The following PLCG2 variants were observed in gnomAD, a reference collection of about 807,000 sequenced individuals.
The protein encoded by PLCG2 is 1-phosphatidylinositol 4,5-bisphosphate phosphodiesterase gamma-2.
A neutral mutation model predicts 175.6 loss-of-function variants in PLCG2; 69 were observed. The ratio of observed to expected loss-of-function variants is 0.39; its 90% CI spans 0.32 to 0.48. The LOEUF (loss-of-function observed/expected upper bound fraction) is 0.48, where lower values mean the gene tolerates loss of function less well. PLCG2 is among the 20% of genes least tolerant of loss of function. The pLI is 0.91. For missense variants in PLCG2, 1,798 were observed against 1,650.9 expected (o/e 1.09, Z -1.54); for synonymous variants, 827 against 624.0 (o/e 1.33, Z -4.85).
chr16:81,801,943 A>G (rs1911739059), intron 2 of PLCG2, among the ~76,000 whole-genome samples: 1 of 151,730 alleles, frequency 6.6e-6, no homozygotes, highest in Non-Finnish European at 1.5e-5. Context: ...AGCCTCCCAA[A>G]GTGTTGGGAT....
intron 2 of PLCG2, among the ~76,000 whole-genome samples, chr16:81,796,235 G>T (rs1225533288): frequency 3.9e-5 from 6 of 152,242 alleles, no homozygotes; most frequent in Non-Finnish European, 7.3e-5. Flanking sequence ...TTCTCTCACA[G>T]ATGTGGCCCT....
intron 31 of PLCG2, among the ~76,000 whole-genome samples, chr16:81,955,348 G>T (rs1462004292): frequency 6.6e-6 from 1 of 152,172 alleles, no homozygotes; most frequent in Admixed American, 6.5e-5. Context: ...TTGTAGCACA[G>T]GAGTCTTTCA....
At chr16:81,797,907 T>C (rs1260667280) in intron 2 of PLCG2, among the ~76,000 whole-genome samples, 1 of 151,956 alleles carries the variant, frequency 6.6e-6, no homozygotes, top group Non-Finnish European at 1.5e-5. Flanking sequence ...TTCAGTTCAC[T>C]GCAACCTCTG....
intron 2 of PLCG2, among the ~76,000 whole-genome samples, chr16:81,791,253 G>A (rs1911218744): frequency 6.6e-6 from 1 of 152,116 alleles, no homozygotes; most frequent in Non-Finnish European, 1.5e-5. Context: ...TGTCCATTTG[G>A]ATGTGGGGGA....
chr16:81,954,697 C>G (rs971534802), intron 31 of PLCG2, among the ~76,000 whole-genome samples: 2 of 152,190 alleles, frequency 1.3e-5, no homozygotes, highest in African/African-American at 4.8e-5. Flanking sequence ...GCATAGTATT[C>G]CATGGTGTAT....
At chr16:81,882,994 A>G (rs1347868899) in intron 8 of PLCG2, among the ~76,000 whole-genome samples, 1 of 151,532 alleles carries the variant, frequency 6.6e-6, no homozygotes, top group Non-Finnish European at 1.5e-5. Flanking sequence ...GGCTCCTCAG[A>G]CTCTGGGGTG....
chr16:81,813,240 G>C (rs896113643), intron 2 of PLCG2, among the ~76,000 whole-genome samples: 16 of 152,150 alleles, frequency 1.1e-4, no homozygotes, highest in African/African-American at 3.9e-4. Context: ...GAATAGCATT[G>C]AATCTATAAA....
At position 81,868,414 on chromosome 16, in the gene PLCG2, C is replaced by T. The variant is rs549950014; in HGVS notation, c.480-800C>T. On this transcript the variant is annotated intron_variant, in intron 5 of 32. Coordinates refer to ENST00000564138, the MANE Select transcript of PLCG2 (RefSeq NM_002661.5). ...GGGGTGCAGGGGGTCCCCACTTACTCTGCATCCCTCTTGTCTCTTCACAGT... is the reference window on the plus strand; with the variant it reads ...GGGGTGCAGGGGGTCCCCACTTACTTTGCATCCCTCTTGTCTCTTCACAGT... Among the ~76,000 whole-genome samples, 7 of 152,270 alleles carry T rather than the reference C, an allele frequency of 4.6e-5. No individual in the cohort carries two copies. In the South Asian group the frequency reaches 1.5e-3, roughly 32 times the overall value.
intron 17 of PLCG2, among the ~76,000 whole-genome samples, chr16:81,910,236 A>G (rs1490535445): frequency 2.0e-5 from 3 of 152,128 alleles, no homozygotes; most frequent in African/African-American, 2.4e-5. Context: ...GATTACAGGC[A>G]TGCACCACCA....
At chr16:81,828,362 C>T (rs1905129296) in intron 2 of PLCG2, among the ~76,000 whole-genome samples, 1 of 149,888 alleles carries the variant, frequency 6.7e-6, no homozygotes, top group South Asian at 2.1e-4. Context: ...TCTCCTGCCT[C>T]AGCCTCCTGG....
chr16:81,876,265 C>T (rs1321754252), intron 7 of PLCG2, among the ~76,000 whole-genome samples: 1 of 152,084 alleles, frequency 6.6e-6, no homozygotes. Context: ...TCAAGTGATC[C>T]ACCCGCCTTG....
At chr16:81,855,192 C>CAAAA (rs35058756) in intron 3 of PLCG2, among the ~76,000 whole-genome samples, 2 of 102,956 alleles carry the variant, frequency 1.9e-5, no homozygotes, top group African/African-American at 7.8e-5. Flanking sequence ...GACTCTGTCT[C>CAAAA]AAAAAAAAAA....
chr16:81,853,642 G>C (rs1370376652), intron 2 of PLCG2, among the ~76,000 whole-genome samples: 2 of 152,214 alleles, frequency 1.3e-5, no homozygotes, highest in Non-Finnish European at 2.9e-5. Flanking sequence ...GTGGAGCTCA[G>C]ATAATAGTGC....
chr16:81,744,247 C>T (rs1909659033), intron 1 of PLCG2, among the ~76,000 whole-genome samples: 1 of 149,246 alleles, frequency 6.7e-6, no homozygotes, highest in Non-Finnish European at 1.5e-5. Flanking sequence ...GGCTCACTGT[C>T]AGCTCCGGCT....
At chr16:81,758,806 T>C (rs1199046572) in intron 2 of PLCG2, among the ~76,000 whole-genome samples, 1 of 151,952 alleles carries the variant, frequency 6.6e-6, no homozygotes, top group Non-Finnish European at 1.5e-5. Flanking sequence ...GCCTCCCGAG[T>C]AGCTGGGATT....
chr16:81,759,089 G>C (rs1359621641), intron 2 of PLCG2, among the ~76,000 whole-genome samples: 3 of 152,156 alleles, frequency 2.0e-5, no homozygotes, highest in Non-Finnish European at 4.4e-5. Flanking sequence ...TCAGTCATTT[G>C]TATATTTTCT....
At chr16:81,778,039 A>AAAACAAAACAAAC (rs1910505227), upstream of PLCG2, among the ~76,000 whole-genome samples, 40 of 80,426 alleles carry the variant, frequency 5.0e-4, no homozygotes, top group African/African-American at 1.1e-3. Context: ...AAACAAAAAA[A>AAAACAAAACAAAC]AAACAAAAAA....
upstream of PLCG2, among the ~76,000 whole-genome samples, chr16:81,777,715 A>G (rs1910458971): frequency 6.6e-6 from 1 of 152,086 alleles, no homozygotes; most frequent in Non-Finnish European, 1.5e-5. Flanking sequence ...ATATTCCTCA[A>G]TTAAAAAACG....
chr16:81,833,757 G>A (rs1364645684), intron 2 of PLCG2, among the ~76,000 whole-genome samples: 2 of 151,976 alleles, frequency 1.3e-5, no homozygotes, highest in Non-Finnish European at 2.9e-5. Flanking sequence ...GTGTTGCCTA[G>A]GCTGGTCTCG....
Sources: gnomAD v4.1 joint callset for allele counts (sites outside exome capture counted in the v4.1 genomes callset) on GRCh38, gnomAD v4.1.1 for gene constraint, MANE v1.5 for transcripts, NCBI Gene and HGNC (gene_info 2026-07-23, HGNC 2026-07-21) for gene names.